The following RYR3 variants were observed in gnomAD, a reference collection of about 807,000 sequenced individuals.
RYR3 encodes brain ryanodine receptor-calcium release channel.
RYR3 carries 207 observed loss-of-function variants against 584.3 expected under a neutral mutation model. The ratio of observed to expected loss-of-function variants is 0.35; its 90% confidence interval spans 0.32 to 0.40. RYR3 has a LOEUF of 0.40. RYR3 is among the 10% of genes least tolerant of loss of function. The probability of loss-of-function intolerance (pLI) is 1.00; values close to 1 mark genes in which losing one functional copy is unlikely to be tolerated. For missense variants in RYR3, 5,616 were observed against 6,089.2 expected, an observed-to-expected ratio of 0.92 and a Z score of 2.59; for synonymous variants, 2,416 against 2,248.5, an observed-to-expected ratio of 1.07 and a Z score of -2.11.
At position 33,746,130 on chromosome 15, in the gene RYR3, A is replaced by C. The variant is rs1308257991; in HGVS notation, c.7962A>C (p.Ile2654=). Residue 2654 remains isoleucine, a synonymous_variant, in exon 53 of 104, where the codon ATA becomes ATC. Transcript: ENST00000634891. ...AAAATGTGAAGACCCACCCACTGAT[A>C]AGGCCTTTCAAGACATTAACGGAGA... is the stretch of plus-strand genomic sequence containing the variant. ...LDENVKTHPL[I]RPFKTLTEKE... The C allele has an allele frequency of 2.5e-6, 4 of 1,598,554 alleles. No homozygotes were observed. The highest frequency in any genetic ancestry group is 3.4e-6 in the Non-Finnish European group (4 of 1,172,296).
chr15:33,435,376 T>G (rs923438495), intron 1 of RYR3, among the ~76,000 whole-genome samples: 3 of 152,244 alleles, frequency 2.0e-5, no homozygotes, highest in African/African-American at 4.8e-5. Context: ...TTCTCATCAA[T>G]TTTCAGCTAC....
intron 64 of RYR3, among the ~76,000 whole-genome samples, chr15:33,774,920 C>T: frequency 6.6e-6 from 1 of 151,820 alleles, no homozygotes; most frequent in South Asian, 2.1e-4. Flanking sequence ...TTTGTAAATA[C>T]ATCCTCAGTA....
intron 3 of RYR3, among the ~76,000 whole-genome samples, chr15:33,528,648 C>G (rs1256329936): frequency 2.6e-5 from 4 of 152,180 alleles, no homozygotes; most frequent in Non-Finnish European, 4.4e-5. Context: ...TGACTGTGAA[C>G]TTGGAACTTA....
chr15:33,858,939 C>CT (rs1302126094), intron 99 of RYR3: 1 of 152,482 alleles, frequency 6.6e-6, no homozygotes, highest in Non-Finnish European at 1.5e-5. Flanking sequence ...ATCCTAGCCC[C>CT]TAGAGTACTG....
At chr15:33,797,088 C>T (rs1485663629) in intron 67 of RYR3, among the ~76,000 whole-genome samples, 1 of 152,140 alleles carries the variant, frequency 6.6e-6, no homozygotes, top group African/African-American at 2.4e-5. Flanking sequence ...GAATAATAGA[C>T]ATTGGAGATT....
intron 48 of RYR3, among the ~76,000 whole-genome samples, chr15:33,735,302 C>T (rs2069345302): frequency 6.6e-6 from 1 of 152,180 alleles, no homozygotes; most frequent in Non-Finnish European, 1.5e-5. Context: ...TGTATTTTCA[C>T]CCTGGGGCTT....
intron 5 of RYR3, among the ~76,000 whole-genome samples, chr15:33,536,060 G>A (rs1470837961): frequency 6.6e-6 from 1 of 152,190 alleles, no homozygotes; most frequent in Non-Finnish European, 1.5e-5. Flanking sequence ...CAACTCAGAT[G>A]AGGTTCAGCA....
At chr15:33,819,032 A>G (rs375812367) in intron 76 of RYR3, among the ~76,000 whole-genome samples, 152 of 152,224 alleles carry the variant, frequency 1.0e-3, no homozygotes, top group African/African-American at 3.5e-3. Context: ...CTGAGGCAGG[A>G]CAATCGCTTG....
At chr15:33,401,019 CAT>C (rs1446704103) in intron 1 of RYR3, among the ~76,000 whole-genome samples, 1 of 152,176 alleles carries the variant, frequency 6.6e-6, no homozygotes, top group Non-Finnish European at 1.5e-5. Context: ...GGTTCTGTAA[CAT>C]ATATTTTCTG....
At chr15:33,434,641 C>CT (rs1596118117) in intron 1 of RYR3, among the ~76,000 whole-genome samples, 1 of 152,254 alleles carries the variant, frequency 6.6e-6, no homozygotes, top group East Asian at 1.9e-4. Context: ...CACTCGCATA[C>CT]TTGCTATTCA....
chr15:33,638,546 A>G (rs1181943422), intron 27 of RYR3, among the ~76,000 whole-genome samples: 1 of 152,144 alleles, frequency 6.6e-6, no homozygotes, highest in African/African-American at 2.4e-5. Context: ...AAGCCTTAAT[A>G]CTCAAAGTAT....
intron 38 of RYR3, 135 bp downstream of exon 38, chr15:33,670,691 G>C (rs1246120802): frequency 1.0e-5 from 9 of 876,590 alleles, no homozygotes; most frequent in Non-Finnish European, 1.5e-5. Context: ...TGTTATAATT[G>C]CTGGTGGTTC....
intron 11 of RYR3, among the ~76,000 whole-genome samples, chr15:33,563,627 G>C (rs1424007729): frequency 6.6e-6 from 1 of 152,154 alleles, no homozygotes; most frequent in Non-Finnish European, 1.5e-5. Context: ...AAGATGTGAT[G>C]CTTTTATTCC....
At chr15:33,563,800 A>T (rs375458939) in intron 11 of RYR3, among the ~76,000 whole-genome samples, 2 of 152,358 alleles carry the variant, frequency 1.3e-5, no homozygotes, top group African/African-American at 4.8e-5. Flanking sequence ...GAGAATGAAC[A>T]TAAGGTAATA....
At chr15:33,484,298 G>A (rs1223796163) in intron 2 of RYR3, among the ~76,000 whole-genome samples, 5 of 150,314 alleles carry the variant, frequency 3.3e-5, no homozygotes, top group East Asian at 2.0e-4. Flanking sequence ...GAAGAAAAGG[G>A]CCCTAGAAAA....
At chr15:33,437,119 T>A (rs962754610) in intron 1 of RYR3, among the ~76,000 whole-genome samples, 9 of 10,486 alleles carry the variant, frequency 8.6e-4, no homozygotes, top group Admixed American at 8.9e-4. Context: ...AGAGATAGAG[T>A]GTGTGTGTGT....
chr15:33,785,041 AC>A (rs1418818640), intron 65 of RYR3, among the ~76,000 whole-genome samples: 1 of 152,200 alleles, frequency 6.6e-6, no homozygotes, highest in Non-Finnish European at 1.5e-5. Context: ...TAAGTGATTG[AC>A]AGGGAGTCAA....
chr15:33,724,548 G>A (rs1014053384), intron 45 of RYR3, among the ~76,000 whole-genome samples: 5 of 152,148 alleles, frequency 3.3e-5, no homozygotes, highest in African/African-American at 7.2e-5. Context: ...GATGACTGTG[G>A]CGTTAGGCCC....
In RYR3 at chr15:33,612,397, G is replaced by T. The variant is rs554586612; in HGVS notation, c.2165-786G>T. On this transcript the variant is annotated intron_variant, in intron 18 of 103. Coordinates refer to ENST00000634891, the MANE Select transcript of RYR3 (RefSeq NM_001036.6). ...TTTTTTGAGATGGAGTTTCACTCTT[G>T]TTGCCCAGGCTGGAGTGCAATGGCA... Among the ~76,000 whole-genome samples the T allele has an allele frequency of 1.8e-4, 27 of 152,336 alleles. 1 individual carries two copies. In the South Asian group the frequency reaches 5.4e-3, roughly 30 times the overall value.
Sources: gnomAD v4.1 joint callset for allele counts (sites outside exome capture counted in the v4.1 genomes callset) on GRCh38, gnomAD v4.1.1 for gene constraint, MANE v1.5 for transcripts, NCBI Gene and HGNC (gene_info 2026-07-23, HGNC 2026-07-21) for gene names.